ZFAT: variants seen among roughly 807,000 people sequenced by gnomAD.
The protein encoded by ZFAT is zinc finger and AT-hook domain containing.
ZFAT carries 64 observed loss-of-function variants against 117.7 expected under a neutral mutation model. That is an observed-to-expected ratio of 0.54 (90% confidence interval 0.44 to 0.67). The LOEUF is 0.67. Ranked by LOEUF, ZFAT falls within the 30% of genes least tolerant of loss-of-function variation. The probability of loss-of-function intolerance (pLI) is 0.00; values close to 1 mark genes in which losing one functional copy is unlikely to be tolerated. For missense variants in ZFAT, 1,433 were observed against 1,584.5 expected, an observed-to-expected ratio of 0.90 and a Z score of 1.62; for synonymous variants, 679 against 615.0, an observed-to-expected ratio of 1.10 and a Z score of -1.54.
intron 11 of ZFAT, among the ~76,000 whole-genome samples, chr8:134,559,139 A>C (rs1444337102): frequency 6.6e-6 from 1 of 152,230 alleles, no homozygotes; most frequent in Admixed American, 6.5e-5. Context: ...TAGGTAAAGC[A>C]ATTAATTGAC....
At chr8:134,534,779 G>GAGAA (rs1821710335) in intron 11 of ZFAT, among the ~76,000 whole-genome samples, 1 of 149,888 alleles carries the variant, frequency 6.7e-6, no homozygotes, top group African/African-American at 2.5e-5. Flanking sequence ...GGGAGAAAGA[G>GAGAA]AGAGAGAGAG....
intron 2 of ZFAT, among the ~76,000 whole-genome samples, chr8:134,638,454 C>A (rs1435049710): frequency 2.6e-5 from 4 of 151,168 alleles, no homozygotes; most frequent in African/African-American, 9.7e-5. Context: ...GCCTGTAATC[C>A]CAGCACTTTG....
intron 2 of ZFAT, among the ~76,000 whole-genome samples, chr8:134,655,809 G>C (rs950688317): frequency 2.0e-4 from 31 of 152,070 alleles, no homozygotes; most frequent in African/African-American, 7.2e-4. Context: ...CATATGAATT[G>C]GACAAGAGAC....
intron 2 of ZFAT, among the ~76,000 whole-genome samples, chr8:134,652,512 G>A (rs551392146): frequency 6.6e-5 from 10 of 152,284 alleles, no homozygotes; most frequent in Non-Finnish European, 1.2e-4. Flanking sequence ...TCATTATCAT[G>A]CATTGTGAGG....
At chr8:134,579,731 G>C (rs112081179) in intron 10 of ZFAT, among the ~76,000 whole-genome samples, 1 of 152,120 alleles carries the variant, frequency 6.6e-6, no homozygotes, top group Admixed American at 6.5e-5. Flanking sequence ...CAGACAGATC[G>C]CTTGAGGTCA....
intron 15 of ZFAT, among the ~76,000 whole-genome samples, chr8:134,486,341 A>G (rs1817654052): frequency 6.7e-6 from 1 of 149,132 alleles, no homozygotes; most frequent in African/African-American, 2.4e-5. Flanking sequence ...GACAGGAATC[A>G]TCCTTTATGT....
chr8:134,688,529 G>A (rs1314778477), intron 1 of ZFAT, among the ~76,000 whole-genome samples: 10 of 152,150 alleles, frequency 6.6e-5, no homozygotes, highest in Non-Finnish European at 1.0e-4. Context: ...AAAGAGCCAC[G>A]AGAAAGGGGA....
At chr8:134,745,585 G>A in the ZFAT span, among the ~76,000 whole-genome samples, 1 of 152,208 alleles carries the variant, frequency 6.6e-6, no homozygotes, top group Non-Finnish European at 1.5e-5. Context: ...TTAGCAAAAA[G>A]TGCCGTGGAC....
chr8:134,624,742 C>T (rs533658064), intron 3 of ZFAT, among the ~76,000 whole-genome samples: 2 of 152,244 alleles, frequency 1.3e-5, no homozygotes, highest in East Asian at 1.9e-4. Context: ...CCCTTGAATT[C>T]CCCACAGAAC....
Position 134,671,372 on chromosome 8 carries a change from G to A in ZFAT, c.20-13635C>T, listed in dbSNP as rs543658447. Among the ~76,000 whole-genome samples the A allele has an allele frequency of 6.6e-5, 10 of 152,250 alleles. No homozygotes were observed. The South Asian group carries it at 1.0e-3, about 16-fold the overall frequency. On this transcript the variant is annotated intron_variant, in intron 1 of 15. Coordinates refer to ENST00000377838, the MANE Select transcript of ZFAT (RefSeq NM_020863.4). ...ATCCTCAATAAAATACTGGCAAACCGAATCCGGCAGCACATCAAAAAGCTT... is the reference window on the plus strand; with the variant it reads ...ATCCTCAATAAAATACTGGCAAACCAAATCCGGCAGCACATCAAAAAGCTT...
At chr8:134,808,865 A>G in the ZFAT span, among the ~76,000 whole-genome samples, 1 of 152,224 alleles carries the variant, frequency 6.6e-6, no homozygotes, top group African/African-American at 2.4e-5. Flanking sequence ...TCCATTTCAG[A>G]TGTTGTGACT....
rs1817077715 is a variant in ZFAT at position 134,478,792 on chromosome 8, A to G, written c.3493-71T>C. On this transcript the variant is annotated intron_variant, in intron 15 of 15. Transcript: ENST00000377838. The surrounding 1 kb of genome is among the most constrained non-coding windows in gnomAD (Gnocchi z 5.2). ...GGTCCAGCGTAACAACAAAGTCACA[A>G]CTACAGTTTAGGAGGCACCAGTGCG... 2.3e-5 allele frequency: 34 copies of G among 1,510,006 alleles called. 1 individual carries two copies. The South Asian group carries it at 4.2e-4, about 19-fold the overall frequency. The allele number at this position is 1,510,006 out of a possible 1,614,324, so 93.5% of individuals were successfully genotyped here. A position where few individuals can be genotyped will look rare whatever the true frequency, so the allele number is the denominator to read the frequency against.
At chr8:134,776,229 G>C in the ZFAT span, among the ~76,000 whole-genome samples, 1 of 152,170 alleles carries the variant, frequency 6.6e-6, no homozygotes, top group African/African-American at 2.4e-5. Context: ...TCTAATTCCA[G>C]CTTCTGTGAT....
At chr8:134,801,835 G>A in the ZFAT span, among the ~76,000 whole-genome samples, 45 of 152,188 alleles carry the variant, frequency 3.0e-4, no homozygotes, top group African/African-American at 1.0e-3. Context: ...TATTAATTGG[G>A]CATAATATCT....
At chr8:134,542,170 G>A (rs60085427) in intron 11 of ZFAT, among the ~76,000 whole-genome samples, 7,999 of 152,128 alleles carry the variant, frequency 0.053, 446 homozygotes, top group East Asian at 0.24. Flanking sequence ...CCCTCTATCC[G>A]GAACACCCCA....
At chr8:134,637,747 G>GT in intron 2 of ZFAT, 35 bp from the exon 3 acceptor site, 3 of 1,599,872 alleles carry the variant, frequency 1.9e-6, no homozygotes, top group Non-Finnish European at 2.6e-6. Flanking sequence ...ATGGAATCAC[G>GT]TGAGACGGCA....
chr8:134,718,148 G>A, the ZFAT span, among the ~76,000 whole-genome samples: 7 of 152,190 alleles, frequency 4.6e-5, no homozygotes, highest in African/African-American at 1.4e-4. Context: ...CTGTGTAAAT[G>A]TTTAGGAAAA....
intron 3 of ZFAT, among the ~76,000 whole-genome samples, chr8:134,634,029 A>G (rs1830052860): frequency 6.6e-6 from 1 of 151,698 alleles, no homozygotes; most frequent in Non-Finnish European, 1.5e-5. Context: ...CTAGGCAACA[A>G]GAGCAAAACT....
chr8:134,552,880 A>G (rs941685249), intron 11 of ZFAT, among the ~76,000 whole-genome samples: 2 of 152,242 alleles, frequency 1.3e-5, no homozygotes, highest in South Asian at 2.1e-4. Flanking sequence ...GTGGACTTGC[A>G]CATTCACACA....
Sources: gnomAD v4.1 joint callset for allele counts (sites outside exome capture counted in the v4.1 genomes callset) on GRCh38, gnomAD v4.1.1 for gene constraint, Gnocchi (gnomAD v3.1) non-coding constraint, MANE v1.5 for transcripts, NCBI Gene and HGNC (gene_info 2026-07-23, HGNC 2026-07-21) for gene names.